Variants in VPS13B observed in about 807,000 individuals in gnomAD.
VPS13B encodes intermembrane lipid transfer protein VPS13B.
In VPS13B, 285 loss-of-function variants were observed where a neutral mutation model predicts 426.4. The ratio of observed to expected loss-of-function variants is 0.67; its 90% CI spans 0.61 to 0.74. VPS13B has a LOEUF of 0.74. Among genes scored for constraint, VPS13B ranks in the 30% least tolerant of loss-of-function variants. VPS13B has a pLI of 0.00. For missense variants in VPS13B, 4,537 were observed against 4,782.6 expected (o/e 0.95, Z 1.51); for synonymous variants, 1,676 against 1,676.4 (o/e 1.00, Z 0.01).
intron 20 of VPS13B, among the ~76,000 whole-genome samples, chr8:99,386,247 C>A (rs1814115829): frequency 6.6e-6 from 1 of 152,076 alleles, no homozygotes; most frequent in Non-Finnish European, 1.5e-5. Flanking sequence ...TTAATTGATA[C>A]CAAGCATATT....
At chr8:99,306,150 T>TA (rs1459889339) in intron 19 of VPS13B, among the ~76,000 whole-genome samples, 1 of 152,070 alleles carries the variant, frequency 6.6e-6, no homozygotes, top group African/African-American at 2.4e-5. Flanking sequence ...TGGAGTGAAT[T>TA]AAGGGCATGA....
chr8:99,314,646 T>C (rs1367493485), intron 19 of VPS13B, among the ~76,000 whole-genome samples: 1 of 152,172 alleles, frequency 6.6e-6, no homozygotes, highest in Non-Finnish European at 1.5e-5. Flanking sequence ...AGGTGGAGTC[T>C]TGCTGTTTTG....
chr8:99,056,549 T>G (rs1331927304), intron 3 of VPS13B, among the ~76,000 whole-genome samples: 1 of 152,244 alleles, frequency 6.6e-6, no homozygotes, highest in Non-Finnish European at 1.5e-5. Flanking sequence ...CTAGGACTTC[T>G]AGTACAGTGT....
intron 29 of VPS13B, among the ~76,000 whole-genome samples, chr8:99,518,737 AAAATATACTG>A (rs1176866772): frequency 6.6e-6 from 1 of 152,196 alleles, no homozygotes; most frequent in Non-Finnish European, 1.5e-5. Flanking sequence ...CAAGTATGTG[AAAATATACTG>A]AAATATACTG....
At chr8:99,754,041 A>G (rs1417496397) in intron 39 of VPS13B, among the ~76,000 whole-genome samples, 1 of 147,652 alleles carries the variant, frequency 6.8e-6, no homozygotes, top group Non-Finnish European at 1.5e-5. Context: ...GATTTCCTGC[A>G]TTTGAATACT....
At chr8:99,237,773 C>T (rs186357243) in intron 17 of VPS13B, among the ~76,000 whole-genome samples, 23 of 151,800 alleles carry the variant, frequency 1.5e-4, no homozygotes, top group Admixed American at 1.2e-3. Context: ...CCACCTGTTC[C>T]CCCAAAATTA....
intron 17 of VPS13B, among the ~76,000 whole-genome samples, chr8:99,227,591 T>C (rs1367093879): frequency 6.6e-6 from 1 of 152,168 alleles, no homozygotes; most frequent in African/African-American, 2.4e-5. Flanking sequence ...GTGCTTTTTT[T>C]TGGAAAATAT....
intron 19 of VPS13B, among the ~76,000 whole-genome samples, chr8:99,316,330 G>T (rs1563664733): frequency 6.6e-6 from 1 of 152,278 alleles, no homozygotes; most frequent in East Asian, 1.9e-4. Context: ...GGGAATATAG[G>T]GATATGGAGA....
chr8:99,376,570 A>T (rs1291539601), intron 19 of VPS13B, among the ~76,000 whole-genome samples: 1 of 152,130 alleles, frequency 6.6e-6, no homozygotes, highest in Non-Finnish European at 1.5e-5. Flanking sequence ...ATTTGAAAAT[A>T]TTTATTATAT....
chr8:99,578,612 T>C (rs974643242), intron 33 of VPS13B, among the ~76,000 whole-genome samples: 8 of 152,156 alleles, frequency 5.3e-5, no homozygotes, highest in Non-Finnish European at 1.0e-4. Flanking sequence ...GTCCAAAATA[T>C]TGAGTTTTTA....
At chr8:99,655,327 G>A (rs557645214) in intron 34 of VPS13B, among the ~76,000 whole-genome samples, 209 of 152,276 alleles carry the variant, frequency 1.4e-3, no homozygotes, top group African/African-American at 4.6e-3. Flanking sequence ...AAAAAGCCAA[G>A]TGTCATAAAA....
chr8:99,727,258 G>C (rs1183941194), intron 39 of VPS13B, among the ~76,000 whole-genome samples: 1 of 152,172 alleles, frequency 6.6e-6, no homozygotes, highest in Non-Finnish European at 1.5e-5. Context: ...ACTGAGAAAT[G>C]TGGAAAGAAG....
At chr8:99,027,944 C>G (rs1842223021) in intron 2 of VPS13B, among the ~76,000 whole-genome samples, 1 of 152,108 alleles carries the variant, frequency 6.6e-6, no homozygotes, top group South Asian at 2.1e-4. Context: ...GGTGATGACT[C>G]TTAACAAAGC....
intron 18 of VPS13B, among the ~76,000 whole-genome samples, chr8:99,274,695 A>C (rs1273487111): frequency 6.6e-6 from 1 of 152,072 alleles, no homozygotes; most frequent in Non-Finnish European, 1.5e-5. Context: ...TTGTTTTTAA[A>C]TTTTGGTTGT....
At chr8:99,718,602 A>G (rs1833010654) in intron 37 of VPS13B, among the ~76,000 whole-genome samples, 1 of 152,144 alleles carries the variant, frequency 6.6e-6, no homozygotes, top group African/African-American at 2.4e-5. Context: ...AAGATTCACA[A>G]TGATAGAAAA....
chr8:99,781,547 A>G (rs1160460019), intron 42 of VPS13B, among the ~76,000 whole-genome samples: 1 of 152,214 alleles, frequency 6.6e-6, no homozygotes, highest in African/African-American at 2.4e-5. Flanking sequence ...AGAAATGCTT[A>G]AACTTATTAC....
intron 2 of VPS13B, among the ~76,000 whole-genome samples, chr8:99,036,904 G>T (rs1842772260): frequency 6.6e-6 from 1 of 152,116 alleles, no homozygotes; most frequent in Non-Finnish European, 1.5e-5. Flanking sequence ...AATTGCCATG[G>T]CTGTGGAATA....
chr8:99,762,397 T>C (rs1379486001), intron 39 of VPS13B, among the ~76,000 whole-genome samples: 1 of 152,166 alleles, frequency 6.6e-6, no homozygotes, highest in East Asian at 1.9e-4. Flanking sequence ...CCGCTGGTTG[T>C]TATGAGTGTC....
Position 99,121,205 on chromosome 8 carries a change from G to A in VPS13B, c.966G>A (p.Met322Ile), listed in dbSNP as rs770627024. ...CTGAAGATGAAACAAGAATAGATAT[G>A]CAATATCCTGCTCAGCATAAAGGTC... ...TGSEDETRID[M>I]QYPAQHKGQE... Residue 322 changes from methionine (M) to isoleucine (I), a missense_variant, in exon 8 of 62, where the codon ATG becomes ATA. By Grantham distance (10) the Met-to-Ile change is conservative (BLOSUM62 1). This residue lies in a region of VPS13B where 4,311 missense variants were observed against 4,474.3 expected (regional missense o/e 0.96). Coordinates refer to ENST00000357162, the MANE Select transcript of VPS13B (RefSeq NM_152564.5). 5.0e-6 allele frequency: 8 copies of A among 1,613,852 alleles called. No individual in the cohort carries two copies. Among genetic ancestry groups the A allele is most frequent in the South Asian group, 4.4e-5 (4 of 91,034 alleles).
Sources: allele counts gnomAD v4.1 joint callset (sites outside exome capture counted in the v4.1 genomes callset), GRCh38; gene constraint gnomAD v4.1.1; regional missense constraint gnomAD v4.1.1; transcripts MANE v1.5; gene names NCBI Gene and HGNC (gene_info 2026-07-23, HGNC 2026-07-21).